The following MCF2L variants were observed in gnomAD, a reference collection of about 807,000 sequenced individuals.
MCF2L encodes the protein guanine nucleotide exchange factor DBS.
Under a neutral mutation model 153.4 loss-of-function variants are expected in MCF2L, and 97 were observed. That is an observed-to-expected ratio of 0.63 (90% CI 0.54 to 0.75). The LOEUF (loss-of-function observed/expected upper bound fraction) is 0.75, where lower values mean the gene tolerates loss of function less well. Ranked by LOEUF, MCF2L falls within the 30% of genes least tolerant of loss-of-function variation. MCF2L has a pLI of 0.00. For synonymous variants in MCF2L, 659 were observed against 632.2 expected (o/e 1.04, Z -0.64); for missense variants, 1,347 against 1,495.2 (o/e 0.90, Z 1.64).
chr13:113,023,613 T>A (rs1396382853), intron 2 of MCF2L, among the ~76,000 whole-genome samples: 2 of 152,124 alleles, frequency 1.3e-5, no homozygotes, highest in African/African-American at 4.8e-5. Flanking sequence ...CATTATCTGT[T>A]CTCCATAAAA....
chr13:113,004,577 C>T (rs1297111618), intron 1 of MCF2L, among the ~76,000 whole-genome samples: 1 of 152,234 alleles, frequency 6.6e-6, no homozygotes. Flanking sequence ...GCCTGCATCA[C>T]CGGCTGAATT....
intron 1 of MCF2L, among the ~76,000 whole-genome samples, chr13:112,990,105 TC>T (rs747524609): frequency 5.9e-5 from 9 of 152,196 alleles, no homozygotes; most frequent in Non-Finnish European, 1.2e-4. Context: ...GCCGCTCACT[TC>T]CTGCTGTGCA....
chr13:112,923,350 G>A (rs930585511), intron 2 of MCF2L, among the ~76,000 whole-genome samples: 10 of 136,674 alleles, frequency 7.3e-5, no homozygotes, highest in Non-Finnish European at 9.1e-5. Context: ...TGCAAGCTCC[G>A]CCTCCTGGGT....
At chr13:113,085,295 T>C (rs948794900) in intron 20 of MCF2L, 117 bp downstream of exon 20, 1 of 795,632 alleles carries the variant, frequency 1.3e-6, no homozygotes, top group Non-Finnish European at 2.1e-6. Context: ...GGGCACCTCT[T>C]CCGAGCCTGT....
chr13:113,088,266 C>G (rs2034831111), intron 23 of MCF2L, 61 bp from the exon 24 acceptor site: 2 of 1,371,902 alleles, frequency 1.5e-6, no homozygotes, highest in East Asian at 2.3e-5. Flanking sequence ...AGAGTGAAAC[C>G]AAAGCGTGTT....
chr13:112,978,196 C>T (rs746134271), intron 1 of MCF2L, among the ~76,000 whole-genome samples: 6 of 152,358 alleles, frequency 3.9e-5, no homozygotes, highest in Admixed American at 2.6e-4. Flanking sequence ...GGCTTGCACA[C>T]AAGCCCCCAA....
At chr13:112,913,776 C>T (rs373168967) in intron 2 of MCF2L, among the ~76,000 whole-genome samples, 37 of 152,216 alleles carry the variant, frequency 2.4e-4, no homozygotes, top group South Asian at 6.2e-4. Context: ...GTCCTCTCAA[C>T]GAATGTGTGC....
chr13:113,076,579 C>G (rs957908003), intron 12 of MCF2L, among the ~76,000 whole-genome samples: 4 of 152,240 alleles, frequency 2.6e-5, no homozygotes, highest in Admixed American at 6.5e-5. Flanking sequence ...TAATGAATTA[C>G]TACCAAATAA....
At chr13:112,954,786 C>A (rs1230127628) in intron 2 of MCF2L, among the ~76,000 whole-genome samples, 2 of 152,330 alleles carry the variant, frequency 1.3e-5, no homozygotes, top group East Asian at 3.9e-4. Context: ...CTCCTAGTCG[C>A]TGCTTTGCTG....
At chr13:112,955,480 G>A (rs946281653) in intron 2 of MCF2L, among the ~76,000 whole-genome samples, 2 of 152,200 alleles carry the variant, frequency 1.3e-5, no homozygotes, top group Non-Finnish European at 2.9e-5. Context: ...CACATGCCCG[G>A]TTACTGTTCA....
At chr13:113,016,683 C>G (rs536628230) in intron 2 of MCF2L, among the ~76,000 whole-genome samples, 150 of 152,288 alleles carry the variant, frequency 9.8e-4, no homozygotes, top group Middle Eastern at 6.8e-3. Flanking sequence ...CCCCATCCCC[C>G]TGCCTCCCGC....
chr13:113,070,180 G>A lies in MCF2L; in HGVS notation c.996+7G>A, dbSNP rs748923140. On this transcript the variant is annotated splice_region_variant and intron_variant, in intron 9 of 29. Transcript: ENST00000535094. The surrounding 1 kb of genome is among the most constrained non-coding windows in gnomAD (Gnocchi z 5.6). ...TGAGCAGGGCTTCCGGGAGGTGAGT[G>A]GCCCTGGGTGGAGCCGGCAGCCGCC... 2 of 1,562,070 alleles carry A rather than the reference G, an allele frequency of 1.3e-6. No homozygotes were observed. Among genetic ancestry groups the A allele is most frequent in the South Asian group, 2.3e-5 (2 of 85,276 alleles).
intron 4 of MCF2L, 53 bp from the exon 5 acceptor site, chr13:113,060,540 G>C (rs1239735019): frequency 2.5e-6 from 4 of 1,599,260 alleles, no homozygotes; most frequent in African/African-American, 2.7e-5. Context: ...CACTAGGGGG[G>C]CTGCTGTCTG....
At chr13:113,017,997 C>A (rs1281530207) in intron 2 of MCF2L, among the ~76,000 whole-genome samples, 1 of 152,234 alleles carries the variant, frequency 6.6e-6, no homozygotes, top group Non-Finnish European at 1.5e-5. Context: ...TTCGTGCCAG[C>A]CCTGTGCTGT....
rs2140629465 is a variant in MCF2L, at chr13:112,932,804, G to A, written c.169+30433G>A. Reference sequence around the variant, plus strand: ...CCAGCACTTTGGGAGGTCAACGCGGGTGGATCATCTGAGGTCAGGAGTTGA... The same window carrying A: ...CCAGCACTTTGGGAGGTCAACGCGGATGGATCATCTGAGGTCAGGAGTTGA... On this transcript the variant is annotated intron_variant, in intron 2 of 29. Transcript: ENST00000375608. This position sits in a 1 kb window ranked among gnomAD's most constrained non-coding sequence, Gnocchi z 4.6. 6.6e-6 allele frequency among the ~76,000 whole-genome samples: 1 copy of A among 152,176 alleles called. No individual in the cohort carries two copies. The highest frequency in any genetic ancestry group is 1.9e-4 in the East Asian group (1 of 5,196).
At chr13:113,005,367 G>A (rs968340333) in intron 1 of MCF2L, among the ~76,000 whole-genome samples, 1 of 152,248 alleles carries the variant, frequency 6.6e-6, no homozygotes, top group Non-Finnish European at 1.5e-5. Context: ...GGGAGATGCT[G>A]GCCGGAGGAC....
Position 113,077,166 on chromosome 13 carries a change from GC to G in MCF2L, c.1620del (p.Arg541AspfsTer41). Reference protein sequence around the residue: ...ARQTRPVQPVAPRPEALAKSP... With the variant: ...ARQTRPVQPVXPRPEALAKSP... ...GCAGACGCGGCCCGTGCAGCCGGTG[GC>G]CCCCAGACCCGAGGCACTGGCAAAG... On this transcript the variant is annotated frameshift_variant, in exon 13 of 30. Transcript: ENST00000535094. LOFTEE classifies it high-confidence loss of function. 1 of 1,609,830 alleles carries G rather than the reference GC, an allele frequency of 6.2e-7. No homozygotes were observed. The highest frequency in any genetic ancestry group is 8.5e-7 in the Non-Finnish European group (1 of 1,178,500).
At chr13:113,091,154 G>A (rs1031292967) in intron 26 of MCF2L, 29 of 1,301,156 alleles carry the variant, frequency 2.2e-5, no homozygotes, top group East Asian at 2.2e-4. Context: ...AAAGCCAAGC[G>A]GCATGAAGTA....
chr13:113,090,665 G>A, intron 26 of MCF2L: 1 of 985,500 alleles, frequency 1.0e-6, no homozygotes, highest in Non-Finnish European at 1.2e-6. Flanking sequence ...ATGGGCCCAG[G>A]AGGCCCTGGA....
Sources: gnomAD v4.1 joint callset for allele counts (sites outside exome capture counted in the v4.1 genomes callset) on GRCh38, gnomAD v4.1.1 for gene constraint, Gnocchi (gnomAD v3.1) non-coding constraint, MANE v1.5 for transcripts, NCBI Gene and HGNC (gene_info 2026-07-23, HGNC 2026-07-21) for gene names.